Variants in PIGX observed in about 807,000 individuals in gnomAD.
PIGX encodes the protein phosphatidylinositol glycan anchor biosynthesis class X.
A neutral mutation model predicts 28.7 loss-of-function variants in PIGX; 24 were observed. The ratio of observed to expected loss-of-function variants is 0.84; its 90% CI spans 0.60 to 1.17. The LOEUF is 1.17. Among genes scored for constraint, PIGX ranks in the 50% most tolerant of loss-of-function variants. PIGX has a pLI of 0.00. For missense variants in PIGX, 305 were observed against 317.8 expected, an observed-to-expected ratio of 0.96 and a Z score of 0.31; for synonymous variants, 127 against 121.0, an observed-to-expected ratio of 1.05 and a Z score of -0.33.
intron 3 of PIGX, among the ~76,000 whole-genome samples, chr3:196,727,468 T>TA (rs1712568824): frequency 6.6e-6 from 1 of 152,224 alleles, no homozygotes; most frequent in African/African-American, 2.4e-5. Context: ...GCAGTGCTCT[T>TA]ACTCACTGCC....
Position 196,712,530 on chromosome 3 carries a change from G to C in PIGX, c.-3G>C, listed in dbSNP as rs1711860859. 1 of 1,164,796 alleles carries C rather than the reference G, an allele frequency of 8.6e-7. No homozygotes were observed. The highest frequency in any genetic ancestry group is 1.1e-6 in the Non-Finnish European group (1 of 944,174). 72.2% of individuals were successfully genotyped at this position (1,164,796 alleles called of 1,614,324 possible). ...CCCTCTCGGGCGTCCGGCTTCCGGC[G>C]TCCTGGCGGCTCGGGTGGCGGCGGT... On this transcript the variant is annotated 5_prime_UTR_variant, in exon 1 of 6. Coordinates refer to ENST00000392391, the MANE Select transcript of PIGX (RefSeq NM_017861.4).
intron 2 of PIGX, chr3:196,717,816 T>C (rs1451354502): frequency 2.0e-5 from 3 of 152,168 alleles, no homozygotes; most frequent in Non-Finnish European, 4.4e-5. Context: ...CAGTTGATTC[T>C]AAATGACCAA....
At chr3:196,727,169 A>G (rs1712554028) in intron 3 of PIGX, among the ~76,000 whole-genome samples, 1 of 152,174 alleles carries the variant, frequency 6.6e-6, no homozygotes, top group African/African-American at 2.4e-5. Flanking sequence ...ATCCATACAT[A>G]TACACATAGG....
At chr3:196,732,105 C>T (rs1290317007) in intron 5 of PIGX, among the ~76,000 whole-genome samples, 5 of 150,076 alleles carry the variant, frequency 3.3e-5, no homozygotes, top group South Asian at 2.1e-4. Flanking sequence ...GGATTACAGG[C>T]GTGAGCCACC....
chr3:196,730,082 AAGTT>A (rs1267251357), intron 4 of PIGX, among the ~76,000 whole-genome samples: 43 of 152,024 alleles, frequency 2.8e-4, no homozygotes, highest in Admixed American at 6.5e-4. Context: ...AAAAAAAAAA[AAGTT>A]AGTAGCACTG....
At chr3:196,732,220 A>ATT (rs1560080464) in intron 5 of PIGX, among the ~76,000 whole-genome samples, 3 of 15,734 alleles carry the variant, frequency 1.9e-4, no homozygotes, top group Non-Finnish European at 3.5e-4. Context: ...TATTATTTAT[A>ATT]TATATATATA....
In PIGX at chr3:196,735,659, CG is replaced by C. The variant is rs1712978683; in HGVS notation, c.*1758del. On this transcript the variant is annotated 3_prime_UTR_variant, in exon 6 of 6. Coordinates refer to ENST00000392391, the MANE Select transcript of PIGX (RefSeq NM_017861.4). ...GTTTCATACCTATTTCATGCTTTCT[CG>C]TAAGAAAGAATTTCATGTTTTAGAA... is the stretch of plus-strand genomic sequence containing the variant. The C allele has an allele frequency of 6.6e-6, 1 of 152,138 alleles. No individual in the cohort carries two copies. The highest frequency in any genetic ancestry group is 2.4e-5 in the African/African-American group (1 of 41,436). 9.4% of individuals were successfully genotyped at this position (152,138 alleles called of 1,614,324 possible).
In PIGX at chr3:196,728,025, T is replaced by C; in HGVS notation, c.421T>C (p.Cys141Arg). The C allele has an allele frequency of 6.2e-7, 1 of 1,614,170 alleles. No homozygotes were observed. Among genetic ancestry groups the C allele is most frequent in the Middle Eastern group, 1.6e-4 (1 of 6,062 alleles). Residue 141 changes from cysteine to arginine, a missense_variant, in exon 4 of 6, where the codon TGT (cysteine) becomes CGT (arginine). Cys to Arg is a radical substitution (Grantham distance 180). Transcript: ENST00000392391. ...CAGACGAGATTCACAGTGCATTGAC[T>C]GTTTTCAAGCCTTTTTGCCTGTGCA...
intron 4 of PIGX, among the ~76,000 whole-genome samples, chr3:196,728,523 T>A (rs1560078862): frequency 6.6e-6 from 1 of 151,992 alleles, no homozygotes; most frequent in Non-Finnish European, 1.5e-5. Flanking sequence ...TGTCCATTTA[T>A]AAAAATCTAT....
At chr3:196,720,909 T>C (rs747610069) in intron 2 of PIGX, among the ~76,000 whole-genome samples, 8 of 152,148 alleles carry the variant, frequency 5.3e-5, no homozygotes, top group Non-Finnish European at 1.2e-4. Flanking sequence ...ATCGACAGCC[T>C]CTTTTCTTTT....
intron 1 of PIGX, among the ~76,000 whole-genome samples, chr3:196,714,287 G>C (rs1356508239): frequency 6.6e-6 from 1 of 152,076 alleles, no homozygotes; most frequent in Non-Finnish European, 1.5e-5. Flanking sequence ...AACATAGCAA[G>C]ACCCTGTCTC....
In PIGX at chr3:196,733,332, G is replaced by A. The variant is rs1442896341; in HGVS notation, c.634-427G>A. On this transcript the variant is annotated intron_variant, in intron 5 of 5. Coordinates refer to ENST00000392391, the MANE Select transcript of PIGX (RefSeq NM_017861.4). This position sits in a 1 kb window ranked among gnomAD's most constrained non-coding sequence, Gnocchi z 4.3. ...GGCTGAAATATATTTAAAAGAAAAA[G>A]GAAATAAAAATATCCAATTAAAAAT... is the stretch of plus-strand genomic sequence containing the variant. 1.3e-5 allele frequency among the ~76,000 whole-genome samples: 2 copies of A among 151,918 alleles called. No homozygotes were observed. The highest frequency in any genetic ancestry group is 3.8e-4 in the East Asian group (2 of 5,200).
At chr3:196,713,369 CG>C (rs1711924064) in intron 1 of PIGX, among the ~76,000 whole-genome samples, 1 of 151,596 alleles carries the variant, frequency 6.6e-6, no homozygotes, top group South Asian at 2.1e-4. Flanking sequence ...GGCGCGATCT[CG>C]GCTCACTGCA....
chr3:196,713,194 C>A, intron 1 of PIGX: 2 of 606,402 alleles, frequency 3.3e-6, no homozygotes, highest in Non-Finnish European at 4.1e-6. Flanking sequence ...ATGTTTCTGT[C>A]ATCCTTGGTA....
At chr3:196,712,743 T>G in intron 1 of PIGX, 99 bp downstream of exon 1, 6 of 1,108,812 alleles carry the variant, frequency 5.4e-6, no homozygotes, top group Non-Finnish European at 5.5e-6. Context: ...GCGCGGGACC[T>G]AGATCAGTAG....
intron 1 of PIGX, among the ~76,000 whole-genome samples, chr3:196,713,593 T>C (rs9850054): frequency 0.81 from 122,775 of 152,018 alleles, 49,930 homozygotes; most frequent in African/African-American, 0.9. Context: ...AGGTGTGAAC[T>C]ACCATGCTCG....
intron 2 of PIGX, among the ~76,000 whole-genome samples, chr3:196,719,969 G>A (rs1712249881): frequency 6.6e-6 from 1 of 152,114 alleles, no homozygotes; most frequent in African/African-American, 2.4e-5. Flanking sequence ...CAGTAGAGAT[G>A]GGATTTCACC....
In PIGX at chr3:196,733,897, C is replaced by A; in HGVS notation, c.772C>A (p.Leu258Ile). The A allele has an allele frequency of 6.3e-7, 1 of 1,594,928 alleles. No homozygotes were observed. The highest frequency in any genetic ancestry group is 8.6e-7 in the Non-Finnish European group (1 of 1,162,918). ...AGTTTTCAAATATGGCCATTTTTCC[C>A]TATAAGTTTTATGTAGTTAAATGCT... The change falls in exon 6 of 6, where the codon CTA becomes ATA. Residue 258 changes from leucine to isoleucine, a missense_variant. Coordinates refer to ENST00000392391, the MANE Select transcript of PIGX (RefSeq NM_017861.4). The surrounding 1 kb of genome is among the most constrained non-coding windows in gnomAD (Gnocchi z 4.3).
chr3:196,728,388 C>G (rs746867666), intron 4 of PIGX: 14 of 587,910 alleles, frequency 2.4e-5, no homozygotes, highest in Non-Finnish European at 3.9e-5. Context: ...CTGCGCTGCC[C>G]CAACTGTCAT....
Sources: gnomAD v4.1 joint callset for allele counts (sites outside exome capture counted in the v4.1 genomes callset) on GRCh38, gnomAD v4.1.1 for gene constraint, Gnocchi (gnomAD v3.1) non-coding constraint, MANE v1.5 for transcripts, NCBI Gene and HGNC (gene_info 2026-07-23, HGNC 2026-07-21) for gene names.